AHCY: variants seen among roughly 807,000 people sequenced by gnomAD.
The protein encoded by AHCY is adenosylhomocysteinase, also known as S-adenosyl-L-homocysteine hydrolase.
AHCY carries 24 observed loss-of-function variants against 45.4 expected under a neutral mutation model. That is an observed-to-expected ratio of 0.53 (90% CI 0.38 to 0.74). The LOEUF (loss-of-function observed/expected upper bound fraction) is 0.74, where lower values mean the gene tolerates loss of function less well. Among genes scored for constraint, AHCY ranks in the 30% least tolerant of loss-of-function variants. AHCY has a pLI of 0.00. For missense variants in AHCY, 449 were observed against 594.1 expected (o/e 0.76, Z 2.54); for synonymous variants, 245 against 235.1 (o/e 1.04, Z -0.39).
chr20:34,280,641 AC>A lies in AHCY; in HGVS notation c.*392del. The A allele has an allele frequency of 6.4e-6, 2 of 310,764 alleles. No individual in the cohort carries two copies. The highest frequency in any genetic ancestry group is 6.3e-5 in the South Asian group (2 of 31,774). The allele number at this position is 310,764 out of a possible 1,614,324, so 19.3% of individuals were successfully genotyped here. On this transcript the variant is annotated 3_prime_UTR_variant, in exon 10 of 10. Transcript: ENST00000217426. ...CTTCTCATCTGTCATGGGCTGAAGA[AC>A]CACTGGACCTGTAAACCAAGCACAC... is the stretch of plus-strand genomic sequence containing the variant.
Position 34,291,412 on chromosome 20 carries a change from G to A in AHCY, c.558+7C>T, listed in dbSNP as rs1296817906. The A allele has an allele frequency of 6.2e-6, 10 of 1,611,938 alleles. No homozygotes were observed. The highest frequency in any genetic ancestry group is 2.2e-5 in the East Asian group (1 of 44,874). On this transcript the variant is annotated splice_region_variant and intron_variant, in intron 5 of 9. Transcript: ENST00000217426. ...GTAGCGGGAGCTGTCACTGCCCCTC[G>A]GCTCACCTTGGTGACGGAGTCATTG...
At chr20:34,289,539 G>A (rs1361608021) in intron 8 of AHCY, among the ~76,000 whole-genome samples, 3 of 133,108 alleles carry the variant, frequency 2.3e-5, no homozygotes, top group Admixed American at 7.9e-5. Context: ...GCGAGGGTGC[G>A]ATCTCGGCTC....
intron 9 of AHCY, among the ~76,000 whole-genome samples, chr20:34,283,226 A>G (rs1457616550): frequency 2.0e-5 from 3 of 152,066 alleles, no homozygotes; most frequent in Non-Finnish European, 4.4e-5. Context: ...GGTGTGTGTC[A>G]CGTCCTAAGG....
At chr20:34,248,898 A>T in the AHCY span, among the ~76,000 whole-genome samples, 1 of 151,788 alleles carries the variant, frequency 6.6e-6, no homozygotes, top group African/African-American at 2.4e-5. Context: ...GTTCGAAGAG[A>T]ACTTAAAAAT....
chr20:34,259,699 G>A, the AHCY span, among the ~76,000 whole-genome samples: 2 of 150,850 alleles, frequency 1.3e-5, no homozygotes, highest in South Asian at 2.1e-4. Context: ...GCAGTGAGCC[G>A]AGATTATGCC....
the AHCY span, among the ~76,000 whole-genome samples, chr20:34,264,336 A>G: frequency 6.6e-6 from 1 of 152,242 alleles, no homozygotes; most frequent in Non-Finnish European, 1.5e-5. Context: ...AGGTGTTGCG[A>G]GTACGTGCTT....
the AHCY span, among the ~76,000 whole-genome samples, chr20:34,251,517 G>A: frequency 0.12 from 18,444 of 151,924 alleles, 1,218 homozygotes; most frequent in East Asian, 0.22. Context: ...CTCGTGATCC[G>A]TCCGCCTCGG....
At chr20:34,285,160 T>A (rs930059447) in intron 9 of AHCY, among the ~76,000 whole-genome samples, 1 of 152,140 alleles carries the variant, frequency 6.6e-6, no homozygotes, top group African/African-American at 2.4e-5. Flanking sequence ...CTGTAAGTGG[T>A]GGGGCTGAGA....
chr20:34,285,405 G>T (rs779042412), intron 9 of AHCY, 35 bp downstream of exon 9: 1 of 1,611,114 alleles, frequency 6.2e-7, no homozygotes, highest in Admixed American at 1.7e-5. Flanking sequence ...GATTAGACAC[G>T]TGACCCTTGG....
In AHCY at chr20:34,285,420, A is replaced by T. The variant is rs772022723; in HGVS notation, c.1167+20T>A. The T allele has an allele frequency of 6.2e-7, 1 of 1,613,380 alleles. No homozygotes were observed. Among genetic ancestry groups the T allele is most frequent in the South Asian group, 1.1e-5 (1 of 90,984 alleles). ...GATTAGACACGTGACCCTTGGCTTG[A>T]GGTAGAAGAATAAACCCACCTTCTT... On this transcript the variant is annotated intron_variant, in intron 9 of 9. Transcript: ENST00000217426.
the AHCY span, among the ~76,000 whole-genome samples, chr20:34,271,565 C>CTT: frequency 0.067 from 8,303 of 123,370 alleles, 599 homozygotes; most frequent in Non-Finnish European, 0.11. Context: ...TTGAACAAGC[C>CTT]TTTTTTTTTT....
chr20:34,257,984 A>C, the AHCY span, among the ~76,000 whole-genome samples: 1 of 152,122 alleles, frequency 6.6e-6, no homozygotes, highest in Non-Finnish European at 1.5e-5. Context: ...TCTCTACAAA[A>C]AATACAAAAA....
chr20:34,233,014 G>T, the AHCY span, among the ~76,000 whole-genome samples: 1 of 151,984 alleles, frequency 6.6e-6, no homozygotes, highest in Non-Finnish European at 1.5e-5. Context: ...TGGGATCGTT[G>T]TTCTCCTTCC....
chr20:34,304,738 G>C (rs531790830), upstream of AHCY, among the ~76,000 whole-genome samples: 1 of 151,694 alleles, frequency 6.6e-6, no homozygotes, highest in African/African-American at 2.4e-5. Context: ...GCCCAGGCTG[G>C]AGTGCAATGG....
At chr20:34,278,753 A>G (rs117287634), downstream of AHCY, among the ~76,000 whole-genome samples, 315 of 152,294 alleles carry the variant, frequency 2.1e-3, 2 homozygotes, top group Non-Finnish European at 3.1e-3. Flanking sequence ...AAATAAGACC[A>G]TACCTTTTTA....
At chr20:34,300,900 A>G (rs1326750326) in intron 1 of AHCY, among the ~76,000 whole-genome samples, 2 of 152,086 alleles carry the variant, frequency 1.3e-5, no homozygotes, top group African/African-American at 4.8e-5. Context: ...AGACAATACT[A>G]CTTTATCTGT....
the AHCY span, among the ~76,000 whole-genome samples, chr20:34,257,070 C>CTTTTTTTTTT: frequency 8.6e-5 from 12 of 139,414 alleles, no homozygotes; most frequent in African/African-American, 7.9e-5. Context: ...CTTTCTTTCT[C>CTTTTTTTTTT]TTTTTTTTTT....
chr20:34,287,210 C>T (rs911891274), intron 8 of AHCY, among the ~76,000 whole-genome samples: 3 of 152,078 alleles, frequency 2.0e-5, no homozygotes, highest in Admixed American at 2.0e-4. Flanking sequence ...CTCACTGATA[C>T]CCATCTAAGC....
chr20:34,298,214 C>T (rs766149552), intron 1 of AHCY, among the ~76,000 whole-genome samples: 1 of 152,022 alleles, frequency 6.6e-6, no homozygotes, highest in Non-Finnish European at 1.5e-5. Context: ...AGACAGAGGA[C>T]ACGAGCTGTT....
Sources: gnomAD v4.1 joint callset for allele counts (sites outside exome capture counted in the v4.1 genomes callset) on GRCh38, gnomAD v4.1.1 for gene constraint, MANE v1.5 for transcripts, NCBI Gene and HGNC (gene_info 2026-07-23, HGNC 2026-07-21) for gene names.